The following SETD2 variants were observed in gnomAD, a reference collection of about 807,000 sequenced individuals.
SETD2 encodes the protein SET domain containing 2, histone lysine methyltransferase.
In SETD2, 31 loss-of-function variants were observed where a neutral mutation model predicts 242.1. The ratio of observed to expected loss-of-function variants is 0.13; its 90% CI spans 0.10 to 0.17. The LOEUF is 0.17. SETD2 is among the 10% of genes least tolerant of loss of function. The pLI, the probability that SETD2 is intolerant of heterozygous loss-of-function variation, is 1.00. For missense variants in SETD2, 2,481 were observed against 3,046.3 expected, an observed-to-expected ratio of 0.81 and a Z score of 4.37; for synonymous variants, 1,006 against 1,066.5, an observed-to-expected ratio of 0.94 and a Z score of 1.11.
intron 12 of SETD2, 103 bp downstream of exon 12, chr3:47,083,617 T>C (rs185047219): frequency 9.2e-7 from 1 of 1,089,444 alleles, no homozygotes; most frequent in African/African-American, 1.6e-5. Flanking sequence ...ATTCCATTTT[T>C]CAGAAATATG....
Position 47,101,469 on chromosome 3 carries a change from G to A in SETD2, c.5004C>T (p.Phe1668=), listed in dbSNP as rs1014885291. 1 of 1,609,176 alleles carries A rather than the reference G, an allele frequency of 6.2e-7. No individual in the cohort carries two copies. The highest frequency in any genetic ancestry group is 1.3e-5 in the African/African-American group (1 of 74,896). ...GAAACAATACTTACCCATATCTCTG[G>A]AACTGATAGTCAAACGTTAACTCTG... The part of the protein sequence containing the change: ...SGSELTFDYQ[F]QRYGKEAQKC... Residue 1668 remains phenylalanine (F), a synonymous_variant, in exon 8 of 21, where the codon TTC becomes TTT. Transcript: ENST00000409792.
chr3:47,082,841 T>G (rs1274371194), intron 12 of SETD2, among the ~76,000 whole-genome samples: 3 of 152,200 alleles, frequency 2.0e-5, no homozygotes, highest in Non-Finnish European at 2.9e-5. Context: ...AGCTTTGTCA[T>G]CATAATTAGG....
chr3:47,131,382 C>T (rs1434500761), intron 1 of SETD2, among the ~76,000 whole-genome samples: 3 of 152,106 alleles, frequency 2.0e-5, no homozygotes, highest in South Asian at 2.1e-4. Context: ...ATCGCTCTGT[C>T]GCCCAGGCTG....
At position 47,088,304 on chromosome 3, in the gene SETD2, CA is replaced by C. The variant is rs1407656905; in HGVS notation, c.5143-58del. 21 of 1,519,262 alleles carry C rather than the reference CA, an allele frequency of 1.4e-5. No homozygotes were observed. In the Admixed American group the frequency reaches 3.7e-4, roughly 27 times the overall value. 94.1% of individuals were successfully genotyped at this position (1,519,262 alleles called of 1,614,324 possible). On this transcript the variant is annotated intron_variant, in intron 9 of 20. Transcript: ENST00000409792. ...AAACAACAACAACAAAAAAAAAAAC[CA>C]AAAACCCAAAAAGTTGCTCAACCTT...
intron 9 of SETD2, 127 bp from the exon 10 acceptor site, chr3:47,088,374 T>G (rs2041656674): frequency 1.2e-6 from 1 of 841,480 alleles, no homozygotes; most frequent in Non-Finnish European, 1.8e-6. Flanking sequence ...ACTGGGAAAG[T>G]ACTAGACTGG....
At chr3:47,069,098 A>G (rs549597822) in intron 12 of SETD2, among the ~76,000 whole-genome samples, 3 of 152,232 alleles carry the variant, frequency 2.0e-5, no homozygotes, top group African/African-American at 7.2e-5. Flanking sequence ...CGGCCCTTCA[A>G]ATACATTATC....
At chr3:47,160,241 C>G (rs1345480061) in intron 1 of SETD2, among the ~76,000 whole-genome samples, 4 of 152,106 alleles carry the variant, frequency 2.6e-5, no homozygotes, top group Non-Finnish European at 5.9e-5. Context: ...TTCTGAATCC[C>G]CCTTACTCTA....
At chr3:47,163,815 C>G (rs1225108478) in intron 1 of SETD2, 39 bp downstream of exon 1, 2 of 1,248,998 alleles carry the variant, frequency 1.6e-6, no homozygotes, top group Non-Finnish European at 2.0e-6. Flanking sequence ...GGGGATAAGG[C>G]GGCCGACAGC....
chr3:47,045,481 G>T (rs2107546434), intron 16 of SETD2, among the ~76,000 whole-genome samples: 1 of 147,144 alleles, frequency 6.8e-6, no homozygotes, highest in East Asian at 2.0e-4. Context: ...TCATGCCACT[G>T]CACTCCAGCC....
chr3:47,120,830 G>A lies in SETD2; in HGVS notation c.3806C>T (p.Thr1269Ile), dbSNP rs769596273. 2.7e-5 allele frequency: 44 copies of A among 1,614,212 alleles called. No homozygotes were observed. The highest frequency in any genetic ancestry group is 3.7e-5 in the Non-Finnish European group (44 of 1,180,036). Residue 1269 changes from threonine to isoleucine, a missense_variant, in exon 3 of 21, where the codon ACC becomes ATC. By Grantham distance (89) the Thr-to-Ile change is moderately conservative. Transcript: ENST00000409792. ...GCTACTGTCAGGTTGCTGATACGTGGTAGAAGGCTTTTCTTGAGAGAAGTC... is the reference window on the plus strand; with the variant it reads ...GCTACTGTCAGGTTGCTGATACGTGATAGAAGGCTTTTCTTGAGAGAAGTC... ...GWDFSQEKPS[T>I]TYQQPDSSYG...
At chr3:47,103,504 C>T (rs2042293421) in intron 6 of SETD2, 81 bp from the exon 7 acceptor site, 1 of 984,570 alleles carries the variant, frequency 1.0e-6, no homozygotes, top group Admixed American at 1.8e-5. Flanking sequence ...ACATACATCT[C>T]TTATGCATCA....
At chr3:47,093,718 ATG>A (rs1264643138) in intron 9 of SETD2, among the ~76,000 whole-genome samples, 2 of 152,158 alleles carry the variant, frequency 1.3e-5, no homozygotes, top group Non-Finnish European at 2.9e-5. Context: ...CATATGGTAT[ATG>A]TTCTTTCACT....
chr3:47,088,433 G>C (rs1440693773), intron 9 of SETD2, among the ~76,000 whole-genome samples, 186 bp from the exon 10 acceptor site: 2 of 152,104 alleles, frequency 1.3e-5, no homozygotes, highest in Non-Finnish European at 2.9e-5. Flanking sequence ...GTTGATGAAA[G>C]TATAAAGTGG....
At chr3:47,080,098 A>G (rs1281546917) in intron 12 of SETD2, among the ~76,000 whole-genome samples, 3 of 152,202 alleles carry the variant, frequency 2.0e-5, no homozygotes, top group Admixed American at 1.3e-4. Context: ...GAAATTCCAA[A>G]CAGTGACTCA....
intron 12 of SETD2, chr3:47,080,904 T>C: frequency 2.0e-6 from 2 of 986,958 alleles, no homozygotes; most frequent in Non-Finnish European, 2.4e-6. Context: ...ACCACCTCTG[T>C]CCTCTTTTCA....
chr3:47,067,564 G>A (rs1202728722), intron 12 of SETD2, among the ~76,000 whole-genome samples: 1 of 151,950 alleles, frequency 6.6e-6, no homozygotes, highest in African/African-American at 2.4e-5. Context: ...ACAGGTGGAT[G>A]CCACCATGCC....
At chr3:47,077,335 G>C (rs370198992) in intron 12 of SETD2, among the ~76,000 whole-genome samples, 1 of 152,068 alleles carries the variant, frequency 6.6e-6, no homozygotes. Flanking sequence ...CACCTGCCTC[G>C]GCCTCCCAAA....
At chr3:47,023,261 G>A (rs1354675014) in intron 18 of SETD2, among the ~76,000 whole-genome samples, 6 of 152,044 alleles carry the variant, frequency 3.9e-5, no homozygotes, top group South Asian at 2.1e-4. Flanking sequence ...TTAGTCAGGC[G>A]CGGCGGCGTG....
intron 4 of SETD2, among the ~76,000 whole-genome samples, chr3:47,115,937 C>G (rs1340996354): frequency 6.6e-6 from 1 of 152,088 alleles, no homozygotes; most frequent in Non-Finnish European, 1.5e-5. Flanking sequence ...TGAGCCACTA[C>G]GCCTGGCCAA....
Sources: allele counts gnomAD v4.1 joint callset (sites outside exome capture counted in the v4.1 genomes callset), GRCh38; gene constraint gnomAD v4.1.1; transcripts MANE v1.5; gene names NCBI Gene and HGNC (gene_info 2026-07-23, HGNC 2026-07-21).